The following NRXN1 variants were observed in gnomAD, a reference collection of about 807,000 sequenced individuals.
NRXN1 encodes neurexin 1, also known as neurexin-1.
NRXN1 carries 39 observed loss-of-function variants against 150.9 expected under a neutral mutation model. That is an observed-to-expected ratio of 0.26 (90% CI 0.20 to 0.34). NRXN1 has a LOEUF of 0.34. NRXN1 is among the 10% of genes least tolerant of loss of function. The pLI is 1.00. For missense variants in NRXN1, 1,815 were observed against 1,949.9 expected (o/e 0.93, Z 1.30); for synonymous variants, 924 against 757.0 (o/e 1.22, Z -3.62).
intron 22 of NRXN1, chr2:49,926,231 T>G: frequency 5.0e-6 from 2 of 397,542 alleles, no homozygotes; most frequent in Non-Finnish European, 8.9e-6. Flanking sequence ...TGAGATTCAT[T>G]TAGCCAAATG....
At chr2:49,954,557 T>C (rs186774650) in intron 21 of NRXN1, among the ~76,000 whole-genome samples, 12 of 151,998 alleles carry the variant, frequency 7.9e-5, no homozygotes, top group Non-Finnish European at 1.8e-4. Context: ...ACAATGCTAA[T>C]TAAAGGAGAG....
At chr2:50,625,131 C>G (rs1680775432) in intron 5 of NRXN1, among the ~76,000 whole-genome samples, 2 of 151,872 alleles carry the variant, frequency 1.3e-5, no homozygotes, top group African/African-American at 4.8e-5. Context: ...GTTGCATTCT[C>G]CCCTGTAATA....
At chr2:50,170,150 C>G (rs938887089) in intron 18 of NRXN1, among the ~76,000 whole-genome samples, 1 of 151,956 alleles carries the variant, frequency 6.6e-6, no homozygotes, top group East Asian at 1.9e-4. Flanking sequence ...ATCACACACA[C>G]ACACACACAC....
In NRXN1 at chr2:50,588,039, C is replaced by T. The variant is rs574419084; in HGVS notation, c.1320+31983G>A. 8.0e-4 allele frequency among the ~76,000 whole-genome samples: 122 copies of T among 152,196 alleles called. 2 individuals are homozygous for T. In the South Asian group the frequency reaches 0.024, roughly 31 times the overall value. ...TAAGACTAGGCATTTTATCTGTTAGCTAAATGCTTGCTAGCAAACTGACTG... is the reference window on the plus strand; with the variant it reads ...TAAGACTAGGCATTTTATCTGTTAGTTAAATGCTTGCTAGCAAACTGACTG... On this transcript the variant is annotated intron_variant, in intron 8 of 22. Coordinates refer to ENST00000401669, the MANE Select transcript of NRXN1 (RefSeq NM_001330078.2).
rs568286496 is a variant in NRXN1 at position 50,375,725 on chromosome 2, T to C, written c.3364+89717A>G. ...ACTCAAATGCATGTAAGTGTCAAAATAGCCAAGTAATAATGCGATATGATA... is the reference window on the plus strand; with the variant it reads ...ACTCAAATGCATGTAAGTGTCAAAACAGCCAAGTAATAATGCGATATGATA... On this transcript the variant is annotated intron_variant, in intron 17 of 22. Coordinates refer to ENST00000401669, the MANE Select transcript of NRXN1 (RefSeq NM_001330078.2). Among the ~76,000 whole-genome samples, 5 of 151,638 alleles carry C rather than the reference T, an allele frequency of 3.3e-5. No individual in the cohort carries two copies. In the South Asian group the frequency reaches 6.2e-4, roughly 19 times the overall value.
intron 12 of NRXN1, among the ~76,000 whole-genome samples, chr2:50,522,200 G>A (rs2105132692): frequency 6.6e-6 from 1 of 152,246 alleles, no homozygotes; most frequent in South Asian, 2.1e-4. Flanking sequence ...TGTTCTCTTA[G>A]ATTTGGGGAT....
chr2:50,152,960 C>G (rs551860005), intron 18 of NRXN1, among the ~76,000 whole-genome samples: 2 of 151,628 alleles, frequency 1.3e-5, no homozygotes, highest in East Asian at 3.9e-4. Flanking sequence ...TGTGTGTGTT[C>G]ATTTGTTTGA....
intron 8 of NRXN1, chr2:50,619,684 T>A: frequency 5.1e-6 from 2 of 391,908 alleles, no homozygotes; most frequent in South Asian, 1.4e-4. Flanking sequence ...ATAACACCTA[T>A]GGCATTTAAG....
intron 21 of NRXN1, among the ~76,000 whole-genome samples, chr2:49,964,552 CA>C (rs1380511621): frequency 1.3e-5 from 2 of 150,448 alleles, no homozygotes; most frequent in South Asian, 4.2e-4. Flanking sequence ...TGCACTTCAG[CA>C]AAAAAGCCAG....
At chr2:51,009,630 C>CA (rs1308762732) in intron 2 of NRXN1, among the ~76,000 whole-genome samples, 2 of 151,858 alleles carry the variant, frequency 1.3e-5, no homozygotes, top group African/African-American at 4.8e-5. Context: ...AGTTGTGAGT[C>CA]ATTTGGAACT....
intron 19 of NRXN1, among the ~76,000 whole-genome samples, chr2:50,070,983 A>T: frequency 6.6e-6 from 1 of 152,216 alleles, no homozygotes; most frequent in East Asian, 1.9e-4. Flanking sequence ...AGTGATCTCT[A>T]AATGCAGAAC....
At chr2:50,843,665 C>T (rs1349872752) in intron 5 of NRXN1, among the ~76,000 whole-genome samples, 1 of 152,190 alleles carries the variant, frequency 6.6e-6, no homozygotes, top group African/African-American at 2.4e-5. Context: ...TTACTGTTTA[C>T]ATTAACACAC....
intron 17 of NRXN1, among the ~76,000 whole-genome samples, chr2:50,336,133 A>T (rs181320193): frequency 1.1e-3 from 161 of 152,370 alleles, no homozygotes; most frequent in Middle Eastern, 3.4e-3. Flanking sequence ...CCTTTATGTC[A>T]CAAGGGAATT....
At chr2:50,767,779 G>T (rs1351220329) in intron 5 of NRXN1, among the ~76,000 whole-genome samples, 1 of 151,792 alleles carries the variant, frequency 6.6e-6, no homozygotes, top group Non-Finnish European at 1.5e-5. Context: ...TTTAATCCTG[G>T]GTTATATAGC....
intron 5 of NRXN1, among the ~76,000 whole-genome samples, chr2:50,754,783 A>G (rs1045204693): frequency 3.3e-5 from 5 of 151,876 alleles, no homozygotes; most frequent in Non-Finnish European, 5.9e-5. Context: ...AGCAAATTTC[A>G]TTATATTATA....
intron 8 of NRXN1, among the ~76,000 whole-genome samples, chr2:50,609,627 T>C (rs564974770): frequency 6.6e-6 from 1 of 152,274 alleles, no homozygotes; most frequent in South Asian, 2.1e-4. Flanking sequence ...GAGCCAAGAT[T>C]GGAATCTGGG....
intron 17 of NRXN1, among the ~76,000 whole-genome samples, chr2:50,428,242 C>T (rs1196000936): frequency 1.3e-5 from 2 of 152,032 alleles, no homozygotes; most frequent in African/African-American, 4.8e-5. Flanking sequence ...GCAAGACCCC[C>T]GTCTCTACGA....
At chr2:50,506,652 C>A in intron 12 of NRXN1, 35 bp from the exon 13 acceptor site, 1 of 1,604,828 alleles carries the variant, frequency 6.2e-7, no homozygotes, top group East Asian at 2.2e-5. Context: ...TATGGACACT[C>A]AGAATCAGTC....
chr2:50,433,564 T>TA (rs2085161185), intron 17 of NRXN1, among the ~76,000 whole-genome samples: 1 of 91,678 alleles, frequency 1.1e-5, no homozygotes, highest in African/African-American at 1.4e-4. Flanking sequence ...GAGGTAATAA[T>TA]TTTTTTTTTT....
Sources: allele counts gnomAD v4.1 joint callset (sites outside exome capture counted in the v4.1 genomes callset), GRCh38; gene constraint gnomAD v4.1.1; transcripts MANE v1.5; gene names NCBI Gene and HGNC (gene_info 2026-07-23, HGNC 2026-07-21).